DPP10: variants seen among roughly 807,000 people sequenced by gnomAD.
DPP10 encodes dipeptidyl peptidase like 10.
A neutral mutation model predicts 120.9 loss-of-function variants in DPP10; 33 were observed. The ratio of observed to expected loss-of-function variants is 0.27; its 90% CI spans 0.21 to 0.37. The LOEUF (loss-of-function observed/expected upper bound fraction) is 0.37. Ranked by LOEUF, DPP10 falls within the 10% of genes least tolerant of loss-of-function variation. The pLI, the probability that DPP10 is intolerant of heterozygous loss-of-function variation, is 1.00. For synonymous variants in DPP10, 337 were observed against 326.1 expected, an observed-to-expected ratio of 1.03 and a Z score of -0.36; for missense variants, 816 against 942.8, an observed-to-expected ratio of 0.87 and a Z score of 1.76.
rs543250616 is a variant in DPP10 at position 115,381,600 on chromosome 2, C to A, written c.271+37688C>A. On this transcript the variant is annotated intron_variant, in intron 3 of 25. Transcript: ENST00000410059. ...GCTTTGTTCCATTGCTGGTGAGGAA[C>A]TGCGTTCCTTTGGAGGAGGAGAGAC... 1.5e-4 allele frequency among the ~76,000 whole-genome samples: 23 copies of A among 152,338 alleles called. 1 individual carries two copies. Among genetic ancestry groups the A allele is most frequent in the Middle Eastern group, 3.4e-3 (1 of 294 alleles).
At position 114,517,007 on chromosome 2, in the gene DPP10, C is replaced by T. The variant is rs13398592; in HGVS notation, c.60+74169C>T. 4.0e-3 allele frequency among the ~76,000 whole-genome samples: 603 copies of T among 152,182 alleles called. 3 individuals carry two copies. The highest frequency in any genetic ancestry group is 0.014 in the African/African-American group (582 of 41,536). Reference sequence around the variant, plus strand: ...ACAGTTAATACAATTAGTTTTCCATCAGTTTCTCTAAATGCATTTTTTTTT... The same window carrying T: ...ACAGTTAATACAATTAGTTTTCCATTAGTTTCTCTAAATGCATTTTTTTTT... On this transcript the variant is annotated intron_variant, in intron 1 of 25. Transcript: ENST00000410059.
chr2:115,631,037 C>CTTTTTTT (rs58468918), intron 5 of DPP10, among the ~76,000 whole-genome samples: 8 of 111,346 alleles, frequency 7.2e-5, no homozygotes, highest in African/African-American at 1.4e-4. Flanking sequence ...TGATCCTGGG[C>CTTTTTTT]TTTTTTTTTT....
chr2:115,709,404 G>A (rs931401356), intron 7 of DPP10, among the ~76,000 whole-genome samples: 5 of 152,068 alleles, frequency 3.3e-5, no homozygotes, highest in African/African-American at 4.8e-5. Context: ...ATTTTCCGAC[G>A]AAGTCTTTAA....
chr2:114,509,212 C>T (rs1032071917), intron 1 of DPP10, among the ~76,000 whole-genome samples: 16 of 152,198 alleles, frequency 1.1e-4, no homozygotes, highest in African/African-American at 3.9e-4. Context: ...AGGGAACTCT[C>T]TCTTTGGTTT....
At chr2:114,667,494 A>G (rs1218347550) in intron 1 of DPP10, among the ~76,000 whole-genome samples, 7 of 152,218 alleles carry the variant, frequency 4.6e-5, no homozygotes, top group Non-Finnish European at 1.0e-4. Flanking sequence ...CCTTCTTAAT[A>G]TACAGGGCTT....
chr2:114,957,580 A>G (rs1698307211), intron 1 of DPP10, among the ~76,000 whole-genome samples: 2 of 152,196 alleles, frequency 1.3e-5, no homozygotes, highest in African/African-American at 4.8e-5. Context: ...TGATCCAGCC[A>G]TTTCACCTCT....
chr2:115,356,514 A>C (rs769861487), intron 3 of DPP10, among the ~76,000 whole-genome samples: 2 of 151,960 alleles, frequency 1.3e-5, no homozygotes, highest in Non-Finnish European at 2.9e-5. Flanking sequence ...ACACAATTTG[A>C]CTTCCTCTCT....
chr2:115,050,643 A>G (rs1428597483), intron 1 of DPP10, among the ~76,000 whole-genome samples: 3 of 152,228 alleles, frequency 2.0e-5, no homozygotes, highest in African/African-American at 7.2e-5. Flanking sequence ...AATTTCACAT[A>G]TTCTGGGAAT....
chr2:114,910,296 T>C (rs1171582394), intron 1 of DPP10, among the ~76,000 whole-genome samples: 2 of 151,902 alleles, frequency 1.3e-5, no homozygotes, highest in Non-Finnish European at 2.9e-5. Flanking sequence ...ATTAAAACAT[T>C]TTAAGGAAAT....
rs1037012203 is a variant in DPP10 at position 115,486,130 on chromosome 2, GA to G, written c.272-13376del. Among the ~76,000 whole-genome samples the G allele has an allele frequency of 1.3e-3, 192 of 152,146 alleles. 1 individual carries two copies. The highest frequency in any genetic ancestry group is 4.6e-3 in the African/African-American group (189 of 41,522). On this transcript the variant is annotated intron_variant, in intron 3 of 25. Transcript: ENST00000410059. ...GTGGATTTATATTATTTTAAAATCGGAAAATATAAAAAATTATTGTCTTTGA... is the reference window on the plus strand; with the variant it reads ...GTGGATTTATATTATTTTAAAATCGGAAATATAAAAAATTATTGTCTTTGA...
chr2:115,802,149 G>A (rs1347109921), intron 19 of DPP10, among the ~76,000 whole-genome samples: 2 of 152,030 alleles, frequency 1.3e-5, no homozygotes. Context: ...ACTTCTTCCT[G>A]GTTTAGTCTT....
intron 1 of DPP10, among the ~76,000 whole-genome samples, chr2:115,307,133 C>A (rs1272432541): frequency 6.6e-6 from 1 of 152,020 alleles, no homozygotes; most frequent in Non-Finnish European, 1.5e-5. Flanking sequence ...GTGAAGATGA[C>A]ACTAATCTTA....
intron 1 of DPP10, among the ~76,000 whole-genome samples, chr2:114,788,678 T>A (rs1157570310): frequency 6.6e-6 from 1 of 152,234 alleles, no homozygotes; most frequent in Non-Finnish European, 1.5e-5. Flanking sequence ...TATCTTAAAC[T>A]TGTTTATACA....
chr2:114,978,373 A>C (rs1219336494), intron 1 of DPP10, among the ~76,000 whole-genome samples: 1 of 152,168 alleles, frequency 6.6e-6, no homozygotes, highest in Non-Finnish European at 1.5e-5. Context: ...GATACTGCCT[A>C]TCCAGGGTAC....
intron 4 of DPP10, among the ~76,000 whole-genome samples, chr2:115,520,423 C>T (rs2077736721): frequency 6.6e-6 from 1 of 152,126 alleles, no homozygotes; most frequent in Non-Finnish European, 1.5e-5. Context: ...TCCAAGAAGA[C>T]TTACATTTTT....
intron 1 of DPP10, among the ~76,000 whole-genome samples, chr2:114,710,676 C>T (rs543066392): frequency 1.3e-4 from 20 of 152,220 alleles, no homozygotes; most frequent in African/African-American, 3.6e-4. Flanking sequence ...ACCCAGGAGA[C>T]GGAGGTTGCA....
intron 2 of DPP10, among the ~76,000 whole-genome samples, chr2:115,322,804 G>A (rs550770219): frequency 6.6e-6 from 1 of 152,062 alleles, no homozygotes; most frequent in African/African-American, 2.4e-5. Context: ...TATCGTATTT[G>A]TAGTTTATTA....
chr2:114,841,756 T>C (rs1215975064), intron 1 of DPP10, among the ~76,000 whole-genome samples: 1 of 152,068 alleles, frequency 6.6e-6, no homozygotes, highest in African/African-American at 2.4e-5. Flanking sequence ...GATGGGGACA[T>C]GGAAAGCCAT....
chr2:115,824,059 G>A (rs1032546429), intron 21 of DPP10, among the ~76,000 whole-genome samples: 1 of 152,008 alleles, frequency 6.6e-6, no homozygotes, highest in South Asian at 2.1e-4. Context: ...TCTATATCTA[G>A]CTAGCTAAAT....
Sources: allele counts gnomAD v4.1 joint callset (sites outside exome capture counted in the v4.1 genomes callset), GRCh38; gene constraint gnomAD v4.1.1; transcripts MANE v1.5; gene names NCBI Gene and HGNC (gene_info 2026-07-23, HGNC 2026-07-21).